Variants in LRP5 observed in about 807,000 individuals in gnomAD.
The protein encoded by LRP5 is low-density lipoprotein receptor-related protein 5.
In LRP5, 62 loss-of-function variants were observed where a neutral mutation model predicts 154.1. The ratio of observed to expected loss-of-function variants is 0.40; its 90% CI spans 0.33 to 0.50. The LOEUF is 0.50. Among genes scored for constraint, LRP5 ranks in the 20% least tolerant of loss-of-function variants. LRP5 has a pLI of 0.55. For synonymous variants in LRP5, 966 were observed against 1,011.5 expected (o/e 0.96, Z 0.85); for missense variants, 1,915 against 2,336.7 (o/e 0.82, Z 3.72).
chr11:68,433,815 G>C lies in LRP5; in HGVS notation c.3977G>C (p.Arg1326Pro). ...GACGGCGAGGCAGACTGTCAGGACC[G>C]CTCAGACGAGGCGGACTGTGACGGT... is the stretch of plus-strand genomic sequence containing the variant. Reference protein sequence around the residue: ...RCDGEADCQDRSDEADCDAIC... With the variant: ...RCDGEADCQDPSDEADCDAIC... Residue 1326 changes from arginine to proline, a missense_variant, in exon 18 of 23, where the codon CGC (arginine) becomes CCC (proline). Coordinates refer to ENST00000294304, the MANE Select transcript of LRP5 (RefSeq NM_002335.4). 2 of 1,612,492 alleles carry C rather than the reference G, an allele frequency of 1.2e-6. No homozygotes were observed. The highest frequency in any genetic ancestry group is 1.7e-6 in the Non-Finnish European group (2 of 1,179,716).
chr11:68,322,322 A>G (rs898683911), intron 1 of LRP5, among the ~76,000 whole-genome samples: 4 of 152,236 alleles, frequency 2.6e-5, no homozygotes, highest in Admixed American at 6.5e-5. Flanking sequence ...GCCTAGATTC[A>G]GAGCCAATGA....
chr11:68,449,172 G>T lies in LRP5; in HGVS notation c.*102G>T, dbSNP rs1159361855. Reference sequence around the variant, plus strand: ...ATGATTTAAAAAATAAATATAATTGGGATTTTAAAAACATGAGAAATGTGA... The same window carrying T: ...ATGATTTAAAAAATAAATATAATTGTGATTTTAAAAACATGAGAAATGTGA... On this transcript the variant is annotated 3_prime_UTR_variant, in exon 23 of 23. Coordinates refer to ENST00000294304, the MANE Select transcript of LRP5 (RefSeq NM_002335.4). 11 of 1,035,294 alleles carry T rather than the reference G, an allele frequency of 1.1e-5. No individual in the cohort carries two copies. The highest frequency in any genetic ancestry group is 1.4e-5 in the Non-Finnish European group (11 of 763,738). 64.1% of individuals were successfully genotyped at this position (1,035,294 alleles called of 1,614,324 possible).
chr11:68,422,208 G>A (rs2098666206), intron 13 of LRP5, among the ~76,000 whole-genome samples: 8 of 152,094 alleles, frequency 5.3e-5, no homozygotes, highest in Admixed American at 5.2e-4. Context: ...TCAGTTTCCC[G>A]ACATTCTGGG....
At position 68,448,889 on chromosome 11, in the gene LRP5, G is replaced by A. The variant is rs764447598; in HGVS notation, c.4667G>A (p.Arg1556His). 6.2e-6 allele frequency: 10 copies of A among 1,613,300 alleles called. No homozygotes were observed. The highest frequency in any genetic ancestry group is 4.4e-5 in the South Asian group (4 of 91,068). Reference protein sequence around the residue: ...DVCDSDYSASRWKASKYYLDL... With the variant: ...DVCDSDYSASHWKASKYYLDL... ...TGTGACAGCGACTACAGCGCCAGCC[G>A]CTGGAAGGCCAGCAAGTACTACCTG... Residue 1556 changes from arginine to histidine, a missense_variant, in exon 23 of 23, where the codon CGC becomes CAC. Coordinates refer to ENST00000294304, the MANE Select transcript of LRP5 (RefSeq NM_002335.4).
At chr11:68,309,019 C>T (rs550989738), upstream of LRP5, among the ~76,000 whole-genome samples, 41 of 145,916 alleles carry the variant, frequency 2.8e-4, no homozygotes, top group Non-Finnish European at 4.5e-4. Flanking sequence ...CTGCAAGCTC[C>T]GCCTCCCAGG....
intron 1 of LRP5, among the ~76,000 whole-genome samples, chr11:68,343,036 C>T (rs1272262115): frequency 2.0e-5 from 3 of 152,222 alleles, no homozygotes; most frequent in East Asian, 3.9e-4. Flanking sequence ...CTGCCTTTAC[C>T]CGGGTTCCCC....
chr11:68,403,983 C>G, intron 8 of LRP5: 1 of 530,964 alleles, frequency 1.9e-6, no homozygotes. Flanking sequence ...GCCTTCGTGC[C>G]CACAGTGACC....
intron 1 of LRP5, among the ~76,000 whole-genome samples, chr11:68,339,555 C>T (rs183497983): frequency 6.1e-4 from 93 of 152,174 alleles, no homozygotes; most frequent in Non-Finnish European, 1.0e-4. Context: ...ACCGTGTTGG[C>T]CAGGCTGGTC....
intron 13 of LRP5, among the ~76,000 whole-genome samples, chr11:68,417,683 C>T (rs2098663366): frequency 6.6e-6 from 1 of 151,822 alleles, no homozygotes; most frequent in Admixed American, 6.6e-5. Flanking sequence ...ACCTGTAATC[C>T]CAGCACTGTG....
intron 1 of LRP5, among the ~76,000 whole-genome samples, chr11:68,314,424 C>T (rs917764867): frequency 1.4e-4 from 22 of 152,168 alleles, no homozygotes; most frequent in Admixed American, 6.5e-5. Context: ...ATGTGGTGAT[C>T]CAGGCCTAAA....
chr11:68,373,719 G>A (rs1353358590), intron 5 of LRP5, among the ~76,000 whole-genome samples: 3 of 152,192 alleles, frequency 2.0e-5, no homozygotes, highest in Non-Finnish European at 4.4e-5. Context: ...TTTCTGCCAT[G>A]TTTTTCCAAT....
intron 21 of LRP5, 124 bp downstream of exon 21, chr11:68,440,040 T>C: frequency 1.2e-6 from 1 of 812,722 alleles, no homozygotes; most frequent in Non-Finnish European, 1.9e-6. Context: ...GAGGCATGCT[T>C]GCTTTCTTCC....
At chr11:68,302,143 G>A in the LRP5 span, among the ~76,000 whole-genome samples, 2 of 151,304 alleles carry the variant, frequency 1.3e-5, no homozygotes, top group East Asian at 4.0e-4. Context: ...GATCACTTGA[G>A]GTCAGGAGTT....
intron 1 of LRP5, among the ~76,000 whole-genome samples, chr11:68,329,003 C>T (rs1369016027): frequency 6.6e-6 from 1 of 152,166 alleles, no homozygotes; most frequent in Non-Finnish European, 1.5e-5. Context: ...CCGCCCTTCC[C>T]ACACGTGTGC....
At chr11:68,429,325 A>G (rs2098670665) in intron 16 of LRP5, among the ~76,000 whole-genome samples, 1 of 152,214 alleles carries the variant, frequency 6.6e-6, no homozygotes, top group East Asian at 1.9e-4. Flanking sequence ...AGACTGGTGC[A>G]GACAGGCTGG....
chr11:68,367,079 G>A lies in LRP5; in HGVS notation c.1015+1377G>A, dbSNP rs149855992. Among the ~76,000 whole-genome samples, 1,187 of 152,196 alleles carry A rather than the reference G, an allele frequency of 7.8e-3. 11 individuals are homozygous for A. The highest frequency in any genetic ancestry group is 0.026 in the African/African-American group (1,082 of 41,504). On this transcript the variant is annotated intron_variant, in intron 5 of 22. Coordinates refer to ENST00000294304, the MANE Select transcript of LRP5 (RefSeq NM_002335.4). ...GAAAGGGTGAGTGTCTTGGACACCC[G>A]CTCCTCCATCACCTCTGGGGCCCTT...
chr11:68,315,008 ACT>A (rs1269724730), intron 1 of LRP5, among the ~76,000 whole-genome samples: 2 of 151,822 alleles, frequency 1.3e-5, no homozygotes, highest in African/African-American at 4.8e-5. Context: ...ATTTAGTAGA[ACT>A]CACACACACG....
the LRP5 span, among the ~76,000 whole-genome samples, chr11:68,299,151 C>T: frequency 3.1e-4 from 47 of 152,314 alleles, no homozygotes; most frequent in African/African-American, 9.6e-4. Flanking sequence ...TGCCTCCCCT[C>T]GGAGCTCCCA....
intron 1 of LRP5, among the ~76,000 whole-genome samples, chr11:68,344,736 G>A (rs1476078393): frequency 1.3e-5 from 2 of 150,448 alleles, no homozygotes; most frequent in South Asian, 2.1e-4. Flanking sequence ...CCTACCGTAA[G>A]TACCTCATAT....
Sources: gnomAD v4.1 joint callset for allele counts (sites outside exome capture counted in the v4.1 genomes callset) on GRCh38, gnomAD v4.1.1 for gene constraint, MANE v1.5 for transcripts, NCBI Gene and HGNC (gene_info 2026-07-23, HGNC 2026-07-21) for gene names.